Variants in DENND5B observed in about 807,000 individuals in gnomAD.
The protein encoded by DENND5B is DENN domain containing 5B, also known as DENN domain-containing protein 5B.
DENND5B carries 34 observed loss-of-function variants against 140.6 expected under a neutral mutation model. The observed-to-expected ratio is 0.24, with a 90% CI of 0.18 to 0.32. DENND5B has a LOEUF of 0.32. DENND5B is among the 10% of genes least tolerant of loss of function. The pLI is 1.00. For synonymous variants in DENND5B, 551 were observed against 562.1 expected (o/e 0.98, Z 0.28); for missense variants, 1,142 against 1,560.2 (o/e 0.73, Z 4.52).
At chr12:31,426,596 G>T in intron 8 of DENND5B, 172 bp from the exon 9 acceptor site, 1 of 654,836 alleles carries the variant, frequency 1.5e-6, no homozygotes, top group Non-Finnish European at 2.4e-6. Flanking sequence ...ACACTCATAT[G>T]CCACCCCATA....
chr12:31,542,012 G>A (rs1948693967), intron 1 of DENND5B, among the ~76,000 whole-genome samples: 1 of 152,166 alleles, frequency 6.6e-6, no homozygotes, highest in South Asian at 2.1e-4. Flanking sequence ...AACTGGTCAG[G>A]CACATTGGCT....
rs559832870 is a variant in DENND5B, at chr12:31,395,402, T to G, written c.3257-2706A>C. On this transcript the variant is annotated intron_variant, in intron 17 of 20. Coordinates refer to ENST00000389082, the MANE Select transcript of DENND5B (RefSeq NM_144973.4). ...TGAGGTCAGGAGTTCAACACCAGCC[T>G]GGCCAACATGGTGAAACCCCGTCTC... Among the ~76,000 whole-genome samples the G allele has an allele frequency of 1.8e-3, 279 of 152,306 alleles. 2 individuals are homozygous for G. The highest frequency in any genetic ancestry group is 6.2e-3 in the African/African-American group (259 of 41,574).
chr12:31,445,655 A>T (rs1443949064), intron 6 of DENND5B, among the ~76,000 whole-genome samples: 4 of 151,358 alleles, frequency 2.6e-5, no homozygotes, highest in African/African-American at 9.7e-5. Flanking sequence ...CAGTGAGCCG[A>T]GATGGCACCA....
Position 31,409,243 on chromosome 12 carries a change from G to A in DENND5B, c.2803+20C>T, listed in dbSNP as rs16918627. 0.11 allele frequency: 174,772 copies of A among 1,553,708 alleles called. 11,227 individuals carry two copies. Among genetic ancestry groups the A allele is most frequent in the East Asian group, 0.25 (10,920 of 42,872 alleles). On this transcript the variant is annotated intron_variant, in intron 14 of 20. Transcript: ENST00000389082. ...ATTGGTCACCTCAGTAACCCTTAAC[G>A]GTCAATTCTCTAGACTTACTGATAG...
chr12:31,424,394 A>G lies in DENND5B; in HGVS notation c.2391+141T>C, dbSNP rs1332339263. 43 of 1,148,080 alleles carry G rather than the reference A, an allele frequency of 3.7e-5. No homozygotes were observed. The Middle Eastern group carries it at 6.3e-4, about 17-fold the overall frequency. The allele number at this position is 1,148,080 out of a possible 1,614,324, so 71.1% of individuals were successfully genotyped here. On this transcript the variant is annotated intron_variant, in intron 10 of 20. Transcript: ENST00000389082. ...CATGGGTTATATTTTCTTTTTCTGA[A>G]ATTAAAATGCCTGTGGCATTTTTCT...
chr12:31,422,200 A>G (rs1194009695), intron 11 of DENND5B, among the ~76,000 whole-genome samples: 3 of 151,378 alleles, frequency 2.0e-5, no homozygotes, highest in Admixed American at 6.6e-5. Flanking sequence ...CGGGTGGATC[A>G]CGAGGTTAGG....
At chr12:31,534,479 T>C (rs1286879349) in intron 1 of DENND5B, among the ~76,000 whole-genome samples, 1 of 148,772 alleles carries the variant, frequency 6.7e-6, no homozygotes, top group Non-Finnish European at 1.5e-5. Context: ...AAGTTAAAAT[T>C]ATCTCTGATA....
chr12:31,479,706 C>A lies in DENND5B; in HGVS notation c.787G>T (p.Glu263Ter). The change falls in exon 3 of 21, where the codon GAA (glutamate) becomes TAA (stop). Residue 263 changes from glutamate (E) to a stop codon, truncating the protein, a stop_gained. Transcript: ENST00000389082. LOFTEE classifies it high-confidence loss of function. ...AGGGGGTAATCAGAGAGGGGGAGTT[C>A]ACTGGGCCCAGGCCTCTGGCAGATG... is the stretch of plus-strand genomic sequence containing the variant. ...PVICQRPGPS[E>*]LPLSDYPLRE... The A allele has an allele frequency of 6.3e-7, 1 of 1,595,654 alleles. No homozygotes were observed.
At chr12:31,555,182 G>T (rs1949229739) in intron 1 of DENND5B, among the ~76,000 whole-genome samples, 1 of 152,072 alleles carries the variant, frequency 6.6e-6, no homozygotes, top group South Asian at 2.1e-4. Context: ...CATCTTTGTG[G>T]TTTTATCTAC....
intron 3 of DENND5B, among the ~76,000 whole-genome samples, chr12:31,466,655 T>C (rs750789897): frequency 6.6e-6 from 1 of 152,024 alleles, no homozygotes; most frequent in Non-Finnish European, 1.5e-5. Flanking sequence ...TTTGCACCAC[T>C]GTACTCCATC....
chr12:31,534,723 G>A (rs1021258220), intron 1 of DENND5B: 1 of 328,104 alleles, frequency 3.0e-6, no homozygotes, highest in African/African-American at 2.2e-5. Context: ...TAAGACTGAG[G>A]TGAAGAATTT....
intron 8 of DENND5B, among the ~76,000 whole-genome samples, chr12:31,427,032 T>A (rs1054158888): frequency 1.3e-5 from 2 of 151,984 alleles, no homozygotes; most frequent in Non-Finnish European, 2.9e-5. Context: ...CCCCCCTACC[T>A]CCCCAAAAGG....
Position 31,452,205 on chromosome 12 carries a change from G to A in DENND5B, c.1364C>T (p.Ala455Val), listed in dbSNP as rs771340985. 4.3e-6 allele frequency: 7 copies of A among 1,613,954 alleles called. No individual in the cohort carries two copies. In the South Asian group the frequency reaches 7.7e-5, roughly 18 times the overall value. The stretch of plus-strand genomic sequence containing the variant: ...ACGCTTGGCCAGAGCCTGCAAGCGG[G>A]CTATGGTTTCATTGCCCTTCAGTAA... The part of the protein sequence containing the change: ...YELLKGNETI[A>V]RLQALAKRTG... The change falls in exon 5 of 21, where the codon GCC becomes GTC. Residue 455 changes from alanine to valine, a missense_variant. By Grantham distance (64) the Ala-to-Val change is moderately conservative. This residue lies in a region of DENND5B where 708 missense variants were observed against 905.5 expected (regional missense o/e 0.78). Coordinates refer to ENST00000389082, the MANE Select transcript of DENND5B (RefSeq NM_144973.4).
At chr12:31,408,393 G>A (rs558144399) in intron 14 of DENND5B, among the ~76,000 whole-genome samples, 5 of 151,862 alleles carry the variant, frequency 3.3e-5, no homozygotes, top group Non-Finnish European at 5.9e-5. Flanking sequence ...TTGGGAGGCT[G>A]AGGCAGGTGG....
intron 1 of DENND5B, among the ~76,000 whole-genome samples, chr12:31,564,426 G>T (rs1949565423): frequency 6.6e-6 from 1 of 151,844 alleles, no homozygotes; most frequent in Admixed American, 6.6e-5. Context: ...TATTTCAGAA[G>T]AATAATGAAA....
intron 1 of DENND5B, among the ~76,000 whole-genome samples, chr12:31,535,439 T>TACAC (rs748925730): frequency 8.7e-5 from 13 of 149,766 alleles, no homozygotes; most frequent in East Asian, 2.0e-4. Flanking sequence ...TATATACACA[T>TACAC]ACACACACAC....
At chr12:31,573,391 C>A (rs1324135153) in intron 1 of DENND5B, among the ~76,000 whole-genome samples, 1 of 152,162 alleles carries the variant, frequency 6.6e-6, no homozygotes, top group Non-Finnish European at 1.5e-5. Flanking sequence ...TAAAAGCTGT[C>A]ACCTGACCTA....
intron 7 of DENND5B, among the ~76,000 whole-genome samples, chr12:31,441,614 T>C (rs1386054314): frequency 6.6e-6 from 1 of 152,056 alleles, no homozygotes; most frequent in Non-Finnish European, 1.5e-5. Context: ...CCCAAGTAGC[T>C]AGGGATACAG....
chr12:31,423,457 T>C, intron 11 of DENND5B, 140 bp downstream of exon 11: 2 of 801,044 alleles, frequency 2.5e-6, no homozygotes, highest in Non-Finnish European at 2.0e-6. Flanking sequence ...TAGTAAGTAA[T>C]ATTGCTCCTT....
Sources: allele counts gnomAD v4.1 joint callset (sites outside exome capture counted in the v4.1 genomes callset), GRCh38; gene constraint gnomAD v4.1.1; regional missense constraint gnomAD v4.1.1; transcripts MANE v1.5; gene names NCBI Gene and HGNC (gene_info 2026-07-23, HGNC 2026-07-21).